The following SIPA1L3 variants were observed in gnomAD, a reference collection of about 807,000 sequenced individuals.
SIPA1L3 encodes the protein signal induced proliferation associated 1 like 3.
Under a neutral mutation model 150.1 loss-of-function variants are expected in SIPA1L3, and 59 were observed. That is an observed-to-expected ratio of 0.39 (90% confidence interval 0.32 to 0.49). SIPA1L3 has a LOEUF of 0.49. Ranked by LOEUF, SIPA1L3 falls within the 20% of genes least tolerant of loss-of-function variation. The probability of loss-of-function intolerance (pLI) is 0.86; values close to 1 mark genes in which losing one functional copy is unlikely to be tolerated. For synonymous variants in SIPA1L3, 1,070 were observed against 1,077.6 expected (o/e 0.99, Z 0.14); for missense variants, 2,211 against 2,489.5 (o/e 0.89, Z 2.38).
intron 2 of SIPA1L3, among the ~76,000 whole-genome samples, chr19:38,041,273 A>ATTTTTTT (rs35807588): frequency 2.8e-5 from 2 of 72,502 alleles, no homozygotes; most frequent in African/African-American, 6.1e-5. Context: ...CGCTCAGCTA[A>ATTTTTTT]TTTTTTTTTT....
chr19:38,204,533 G>C (rs997111899), intron 21 of SIPA1L3, among the ~76,000 whole-genome samples: 3 of 152,234 alleles, frequency 2.0e-5, no homozygotes, highest in Non-Finnish European at 4.4e-5. Context: ...GGGAGGCCAA[G>C]GTGGTGGGTC....
At chr19:38,106,439 G>C (rs200315810) in intron 6 of SIPA1L3, 98 bp from the exon 7 acceptor site, 2 of 820,514 alleles carry the variant, frequency 2.4e-6, no homozygotes, top group East Asian at 4.9e-5. Flanking sequence ...AGATTGAAGT[G>C]AAAGCACCAA....
At chr19:38,112,059 C>A (rs937473505) in intron 8 of SIPA1L3, among the ~76,000 whole-genome samples, 1 of 145,596 alleles carries the variant, frequency 6.9e-6, no homozygotes, top group African/African-American at 2.7e-5. Flanking sequence ...CATGCACACA[C>A]ACGTATGCAC....
At chr19:38,049,284 C>T (rs1969132286) in intron 2 of SIPA1L3, among the ~76,000 whole-genome samples, 1 of 152,190 alleles carries the variant, frequency 6.6e-6, no homozygotes, top group South Asian at 2.1e-4. Flanking sequence ...GCTGTGCACA[C>T]ATCCTTGCAA....
chr19:37,932,673 G>A lies in SIPA1L3; in HGVS notation c.-379+25315G>A, dbSNP rs530351222. 1,024 of 152,396 alleles carry A rather than the reference G, an allele frequency of 6.7e-3. 7 individuals carry two copies. The highest frequency in any genetic ancestry group is 0.01 in the Non-Finnish European group (709 of 68,054). 9.4% of individuals were successfully genotyped at this position (152,396 alleles called of 1,614,324 possible). The stretch of plus-strand genomic sequence containing the variant: ...ACCTGCCCACTTTGTGATCAGAGCC[G>A]TGTTCGGGGAGTCTTTCAGGTGAGC... On this transcript the variant is annotated intron_variant, in intron 1 of 21. Coordinates refer to ENST00000222345, the MANE Select transcript of SIPA1L3 (RefSeq NM_015073.3).
intron 16 of SIPA1L3, among the ~76,000 whole-genome samples, chr19:38,188,707 G>C (rs1026404203): frequency 2.0e-5 from 3 of 151,946 alleles, no homozygotes; most frequent in Non-Finnish European, 2.9e-5. Flanking sequence ...CGGATCACGA[G>C]GTCAGGAGAT....
intron 1 of SIPA1L3, among the ~76,000 whole-genome samples, chr19:37,959,294 G>T (rs2046837106): frequency 6.6e-6 from 1 of 152,138 alleles, no homozygotes; most frequent in South Asian, 2.1e-4. Context: ...CTGATAATTG[G>T]CTAAACAGAA....
At chr19:38,115,082 G>C (rs747831037) in intron 8 of SIPA1L3, among the ~76,000 whole-genome samples, 3 of 152,214 alleles carry the variant, frequency 2.0e-5, no homozygotes, top group Non-Finnish European at 2.9e-5. Flanking sequence ...CATGTGGGAA[G>C]ATGCTGCATC....
At chr19:37,918,898 A>T (rs1334311925) in intron 1 of SIPA1L3, among the ~76,000 whole-genome samples, 1 of 149,110 alleles carries the variant, frequency 6.7e-6, no homozygotes, top group Non-Finnish European at 1.5e-5. Flanking sequence ...AAATAAATAA[A>T]TAAATAAATA....
intron 9 of SIPA1L3, among the ~76,000 whole-genome samples, chr19:38,125,665 T>C (rs1356013960): frequency 6.6e-6 from 1 of 152,124 alleles, no homozygotes; most frequent in Admixed American, 6.5e-5. Flanking sequence ...TGAGTCTCTC[T>C]CTTTGTGAAG....
chr19:38,049,140 G>A (rs540814479), intron 2 of SIPA1L3, among the ~76,000 whole-genome samples: 10 of 152,160 alleles, frequency 6.6e-5, no homozygotes, highest in African/African-American at 2.4e-4. Flanking sequence ...AAGACTACTT[G>A]TCTGATGGTG....
At chr19:37,950,257 C>T (rs543411383) in intron 1 of SIPA1L3, among the ~76,000 whole-genome samples, 1 of 152,154 alleles carries the variant, frequency 6.6e-6, no homozygotes, top group East Asian at 1.9e-4. Context: ...ATTAGACAAA[C>T]TTAGGTAAAG....
At chr19:38,197,291 C>T (rs1460323743) in intron 18 of SIPA1L3, among the ~76,000 whole-genome samples, 1 of 152,130 alleles carries the variant, frequency 6.6e-6, no homozygotes, top group Non-Finnish European at 1.5e-5. Flanking sequence ...CCTGGCTGTC[C>T]TCTGTCCCCT....
At chr19:38,183,671 T>C (rs1467629929) in intron 16 of SIPA1L3, among the ~76,000 whole-genome samples, 1 of 152,176 alleles carries the variant, frequency 6.6e-6, no homozygotes, top group African/African-American at 2.4e-5. Flanking sequence ...TTGGGTGTTA[T>C]CAGCCTAGAG....
At chr19:38,125,482 C>A (rs923294367) in intron 9 of SIPA1L3, among the ~76,000 whole-genome samples, 2 of 152,174 alleles carry the variant, frequency 1.3e-5, no homozygotes, top group African/African-American at 4.8e-5. Context: ...CCACACCCAC[C>A]CCCGTGCCTA....
At chr19:38,076,421 C>T (rs1013538255) in intron 2 of SIPA1L3, among the ~76,000 whole-genome samples, 5 of 152,166 alleles carry the variant, frequency 3.3e-5, no homozygotes, top group African/African-American at 2.4e-5. Flanking sequence ...GCACTACCGT[C>T]ATAGTTTCGC....
chr19:38,092,756 C>T (rs980121461), intron 4 of SIPA1L3, among the ~76,000 whole-genome samples: 6 of 151,860 alleles, frequency 4.0e-5, no homozygotes, highest in South Asian at 2.1e-4. Context: ...GACAAAAGGA[C>T]GCAGAACACC....
At chr19:38,188,818 G>A (rs542481081) in intron 16 of SIPA1L3, among the ~76,000 whole-genome samples, 2 of 151,858 alleles carry the variant, frequency 1.3e-5, no homozygotes, top group Non-Finnish European at 2.9e-5. Context: ...AGCTACTCTG[G>A]AGGCTGAGGC....
chr19:38,105,818 C>T (rs146007687), intron 6 of SIPA1L3, among the ~76,000 whole-genome samples: 18 of 152,164 alleles, frequency 1.2e-4, no homozygotes, highest in East Asian at 7.7e-4. Context: ...TTTTGACTGA[C>T]GCTTGAAGAT....
Sources: gnomAD v4.1 joint callset for allele counts (sites outside exome capture counted in the v4.1 genomes callset) on GRCh38, gnomAD v4.1.1 for gene constraint, MANE v1.5 for transcripts, NCBI Gene and HGNC (gene_info 2026-07-23, HGNC 2026-07-21) for gene names.